Variants in ME3 observed in about 807,000 individuals in gnomAD.
ME3 encodes the protein malic enzyme 3, also known as NADP-dependent malic enzyme, mitochondrial.
A neutral mutation model predicts 68.9 loss-of-function variants in ME3; 48 were observed. The ratio of observed to expected loss-of-function variants is 0.70; its 90% confidence interval spans 0.55 to 0.89. The LOEUF is 0.89. Among genes scored for constraint, ME3 ranks in the 40% least tolerant of loss-of-function variants. ME3 has a pLI of 0.00. For missense variants in ME3, 675 were observed against 797.4 expected (o/e 0.85, Z 1.85); for synonymous variants, 320 against 318.8 (o/e 1.00, Z -0.04).
At chr11:86,590,903 G>T (rs372852297) in intron 2 of ME3, among the ~76,000 whole-genome samples, 1 of 152,190 alleles carries the variant, frequency 6.6e-6, no homozygotes, top group Non-Finnish European at 1.5e-5. Flanking sequence ...CATAGTTCAC[G>T]TGAAGGAAGA....
At chr11:86,556,336 A>T (rs1372288173) in intron 4 of ME3, among the ~76,000 whole-genome samples, 1 of 152,196 alleles carries the variant, frequency 6.6e-6, no homozygotes, top group Non-Finnish European at 1.5e-5. Flanking sequence ...GGAGGTGAAG[A>T]AGAGTCAATA....
At chr11:86,559,641 A>T (rs1957102442) in intron 3 of ME3, 49 bp downstream of exon 3, 1 of 1,560,220 alleles carries the variant, frequency 6.4e-7, no homozygotes, top group South Asian at 1.2e-5. Context: ...CAGGAAACAG[A>T]CAGCTCAGCC....
intron 2 of ME3, among the ~76,000 whole-genome samples, chr11:86,623,120 T>C (rs1943448087): frequency 6.6e-6 from 1 of 152,052 alleles, no homozygotes; most frequent in Non-Finnish European, 1.5e-5. Flanking sequence ...CTGGAAGAGA[T>C]TAGCATTTGA....
intron 2 of ME3, among the ~76,000 whole-genome samples, chr11:86,636,342 A>G (rs113616316): frequency 0.073 from 11,143 of 151,720 alleles, 478 homozygotes; most frequent in East Asian, 0.14. Flanking sequence ...ATAGTCTTTA[A>G]AATGAGATAA....
intron 2 of ME3, among the ~76,000 whole-genome samples, chr11:86,586,729 G>A (rs973959749): frequency 1.3e-5 from 2 of 152,144 alleles, no homozygotes; most frequent in Non-Finnish European, 2.9e-5. Flanking sequence ...TTAAATAAAA[G>A]GATGGGGGAA....
intron 14 of ME3, among the ~76,000 whole-genome samples, chr11:86,441,767 C>A (rs941825252): frequency 1.3e-5 from 2 of 152,152 alleles, no homozygotes; most frequent in African/African-American, 4.8e-5. Flanking sequence ...AGTAAAGAGA[C>A]CTTTCTCTGG....
intron 5 of ME3, among the ~76,000 whole-genome samples, chr11:86,503,308 AAG>A (rs1320973488): frequency 1.3e-5 from 2 of 152,196 alleles, no homozygotes; most frequent in Non-Finnish European, 2.9e-5. Context: ...GCAGGAATGA[AAG>A]AGTTATTTTC....
At chr11:86,451,726 C>T (rs548893039) in intron 8 of ME3, among the ~76,000 whole-genome samples, 1 of 152,324 alleles carries the variant, frequency 6.6e-6, no homozygotes, top group South Asian at 2.1e-4. Flanking sequence ...GATTTCTTTC[C>T]TCGTCTGTAA....
intron 2 of ME3, among the ~76,000 whole-genome samples, chr11:86,584,798 G>A (rs1185706913): frequency 6.6e-6 from 1 of 152,118 alleles, no homozygotes; most frequent in African/African-American, 2.4e-5. Context: ...GAGGTAGGAG[G>A]AAATGGGAAG....
intron 6 of ME3, among the ~76,000 whole-genome samples, chr11:86,491,405 T>C (rs1952004332): frequency 6.6e-6 from 1 of 152,188 alleles, no homozygotes; most frequent in African/African-American, 2.4e-5. Flanking sequence ...CAATTGTGGC[T>C]GGGAAGGTCC....
intron 2 of ME3, among the ~76,000 whole-genome samples, chr11:86,659,056 TTC>T (rs1391911352): frequency 6.6e-6 from 1 of 152,172 alleles, no homozygotes. Context: ...AGGCTAAGCT[TTC>T]TGTCAGTTTG....
rs557760716 is a variant in ME3, at chr11:86,502,222, G to A, written c.544-4098C>T. On this transcript the variant is annotated intron_variant, in intron 5 of 14. Coordinates refer to ENST00000543262, the Ensembl canonical transcript of ME3. ...TCTTACCACCCTTGCATGTTTCAAG[G>A]AACAGTTCAAAAAGCATTTCCCTCC... Among the ~76,000 whole-genome samples, 8 of 152,226 alleles carry A rather than the reference G, an allele frequency of 5.3e-5. No individual in the cohort carries two copies. In the South Asian group the frequency reaches 1.5e-3, roughly 28 times the overall value.
At position 86,514,720 on chromosome 11, in the gene ME3, ACACCACCTG is replaced by A. The variant is rs544326610; in HGVS notation, c.468-5862_468-5854del. On this transcript the variant is annotated intron_variant, in intron 4 of 14. Coordinates refer to ENST00000543262, the Ensembl canonical transcript of ME3. Reference sequence around the variant, plus strand: ...CCTCATGTGTAAAATGGAAGAAGTGACACCACCTGCACCATACACTTATTTGTTACAATG... The same window carrying A: ...CCTCATGTGTAAAATGGAAGAAGTGACACCATACACTTATTTGTTACAATG... Among the ~76,000 whole-genome samples the A allele has an allele frequency of 1.2e-3, 184 of 152,348 alleles. 1 individual carries two copies. Among genetic ancestry groups the A allele is most frequent in the African/African-American group, 4.4e-3 (182 of 41,574 alleles).
intron 2 of ME3, among the ~76,000 whole-genome samples, chr11:86,643,949 C>A (rs1565260051): frequency 6.6e-6 from 1 of 152,192 alleles, no homozygotes; most frequent in Admixed American, 6.5e-5. Flanking sequence ...ACCTGCCTCA[C>A]AAGCTTTTTG....
chr11:86,466,260 T>C (rs945025816), intron 7 of ME3, among the ~76,000 whole-genome samples: 2 of 152,244 alleles, frequency 1.3e-5, no homozygotes, highest in Non-Finnish European at 2.9e-5. Context: ...GTTTGTGTCT[T>C]TAGCCTTTCT....
At chr11:86,579,623 G>C (rs1412874201) in intron 2 of ME3, among the ~76,000 whole-genome samples, 1 of 152,158 alleles carries the variant, frequency 6.6e-6, no homozygotes, top group East Asian at 1.9e-4. Flanking sequence ...GTTTCTGAGA[G>C]GCACAGCAGC....
chr11:86,478,177 A>G (rs944454803), intron 7 of ME3, among the ~76,000 whole-genome samples: 2 of 151,968 alleles, frequency 1.3e-5, no homozygotes, highest in Admixed American at 6.6e-5. Flanking sequence ...CTTCCTAGGA[A>G]CTACCATTGG....
At chr11:86,546,595 G>T (rs927966245) in intron 4 of ME3, among the ~76,000 whole-genome samples, 1 of 152,116 alleles carries the variant, frequency 6.6e-6, no homozygotes, top group Non-Finnish European at 1.5e-5. Context: ...TTAGAGAAAC[G>T]CAAATCAAAA....
chr11:86,544,501 C>A (rs994269584), intron 4 of ME3, among the ~76,000 whole-genome samples: 2 of 152,174 alleles, frequency 1.3e-5, no homozygotes, highest in African/African-American at 4.8e-5. Context: ...GAAGTACAAA[C>A]TACCATAAGA....
Sources: gnomAD v4.1 joint callset for allele counts (sites outside exome capture counted in the v4.1 genomes callset) on GRCh38, gnomAD v4.1.1 for gene constraint, MANE v1.5 for transcripts, NCBI Gene and HGNC (gene_info 2026-07-23, HGNC 2026-07-21) for gene names.